FUT8: variants seen among roughly 807,000 people sequenced by gnomAD.
The protein encoded by FUT8 is alpha-(1,6)-fucosyltransferase.
A neutral mutation model predicts 71.3 loss-of-function variants in FUT8; 29 were observed. The observed-to-expected ratio is 0.41, with a 90% CI of 0.30 to 0.55. FUT8 has a LOEUF of 0.55. FUT8 is among the 20% of genes least tolerant of loss of function. The pLI, the probability that FUT8 is intolerant of heterozygous loss-of-function variation, is 0.34. For missense variants in FUT8, 544 were observed against 702.1 expected (o/e 0.77, Z 2.55); for synonymous variants, 254 against 239.3 (o/e 1.06, Z -0.57).
At chr14:65,688,366 C>T (rs1453365134) in intron 7 of FUT8, among the ~76,000 whole-genome samples, 1 of 151,502 alleles carries the variant, frequency 6.6e-6, no homozygotes, top group Non-Finnish European at 1.5e-5. Context: ...TTCTGACTGG[C>T]TTTTGTTTTT....
rs1198807098 is a variant in FUT8 at position 65,743,541 on chromosome 14, C to A, written c.*1131C>A. Reference sequence around the variant, plus strand: ...TTTGTGAGTAGGGTCCTGTTTTATCCAGGAACCAATTTCTGCCCTAGCCTA... The same window carrying A: ...TTTGTGAGTAGGGTCCTGTTTTATCAAGGAACCAATTTCTGCCCTAGCCTA... On this transcript the variant is annotated 3_prime_UTR_variant, in exon 11 of 11. Transcript: ENST00000673929. The A allele has an allele frequency of 6.6e-6, 1 of 151,732 alleles. No individual in the cohort carries two copies. The highest frequency in any genetic ancestry group is 2.4e-5 in the African/African-American group (1 of 41,314). 9.4% of individuals were successfully genotyped at this position (151,732 alleles called of 1,614,324 possible).
At position 65,574,350 on chromosome 14, in the gene FUT8, T is replaced by C. The variant is rs1186470830; in HGVS notation, c.203+12584T>C. ...AGCAAATCACAGGTCCCATTTACACTTGGGGAGGCGATTTTCCAAGGTCTT... is the reference window on the plus strand; with the variant it reads ...AGCAAATCACAGGTCCCATTTACACCTGGGGAGGCGATTTTCCAAGGTCTT... On this transcript the variant is annotated intron_variant, in intron 3 of 10. Coordinates refer to ENST00000673929, the MANE Select transcript of FUT8 (RefSeq NM_001371533.1). The surrounding 1 kb of genome is among the most constrained non-coding windows in gnomAD (Gnocchi z 5.2). Among the ~76,000 whole-genome samples, 1 of 152,098 alleles carries C rather than the reference T, an allele frequency of 6.6e-6. No individual in the cohort carries two copies. The highest frequency in any genetic ancestry group is 2.4e-5 in the African/African-American group (1 of 41,390).
intron 5 of FUT8, among the ~76,000 whole-genome samples, chr14:65,617,941 C>CT (rs1252660425): frequency 6.8e-6 from 1 of 146,516 alleles, no homozygotes; most frequent in Non-Finnish European, 1.5e-5. Context: ...AAGACTCTGT[C>CT]TCAAAAAAAA....
chr14:65,725,970 T>C lies in FUT8; in HGVS notation c.1259+1647T>C, dbSNP rs149617782. Among the ~76,000 whole-genome samples the C allele has an allele frequency of 2.0e-5, 3 of 152,300 alleles. No homozygotes were observed. In the East Asian group the frequency reaches 5.8e-4, roughly 29 times the overall value. On this transcript the variant is annotated intron_variant, in intron 9 of 10. Coordinates refer to ENST00000673929, the MANE Select transcript of FUT8 (RefSeq NM_001371533.1). ...TGCCTTTTTTATTCAAGGCTCCCTCTCTTGAGCATATGCACACACTACCAT... is the reference window on the plus strand; with the variant it reads ...TGCCTTTTTTATTCAAGGCTCCCTCCCTTGAGCATATGCACACACTACCAT...
At chr14:65,375,151 C>G in the FUT8 span, among the ~76,000 whole-genome samples, 1 of 152,120 alleles carries the variant, frequency 6.6e-6, no homozygotes, top group Non-Finnish European at 1.5e-5. Context: ...TTTAGTTCCT[C>G]AATACACCCT....
chr14:65,629,940 C>G (rs1890101894), intron 6 of FUT8, among the ~76,000 whole-genome samples: 1 of 151,894 alleles, frequency 6.6e-6, no homozygotes, highest in Non-Finnish European at 1.5e-5. Context: ...AAGGAGACAT[C>G]AGGGATAGTC....
intron 7 of FUT8, among the ~76,000 whole-genome samples, chr14:65,682,592 GA>G (rs1365987610): frequency 6.6e-6 from 1 of 152,092 alleles, no homozygotes; most frequent in African/African-American, 2.4e-5. Flanking sequence ...AACTGGTTTT[GA>G]AAAAGTTGTA....
intron 1 of FUT8, among the ~76,000 whole-genome samples, chr14:65,421,434 GC>G (rs907546121): frequency 1.8e-4 from 27 of 152,152 alleles, no homozygotes; most frequent in African/African-American, 6.0e-4. Flanking sequence ...TCATACTTCT[GC>G]CTTTTTTGCT....
chr14:65,512,512 G>A (rs1424963262), intron 2 of FUT8, among the ~76,000 whole-genome samples: 1 of 152,082 alleles, frequency 6.6e-6, no homozygotes, highest in African/African-American at 2.4e-5. Context: ...GTTCGTTGTT[G>A]ATTAAAACCA....
At chr14:65,729,868 G>A (rs1388904081) in intron 9 of FUT8, among the ~76,000 whole-genome samples, 1 of 152,058 alleles carries the variant, frequency 6.6e-6, no homozygotes, top group Non-Finnish European at 1.5e-5. Context: ...TCCATATTCT[G>A]TTATAAATAT....
At chr14:65,448,215 A>G (rs971962963) in intron 1 of FUT8, among the ~76,000 whole-genome samples, 2 of 152,132 alleles carry the variant, frequency 1.3e-5, no homozygotes, top group African/African-American at 2.4e-5. Flanking sequence ...AAAACGCCAG[A>G]TGATGTTTGT....
At chr14:65,542,165 C>T (rs996467534) in intron 2 of FUT8, among the ~76,000 whole-genome samples, 4 of 152,062 alleles carry the variant, frequency 2.6e-5, no homozygotes, top group Non-Finnish European at 5.9e-5. Flanking sequence ...TAAATGTAAT[C>T]GTTATTATTA....
chr14:65,543,194 G>A (rs1884783308), intron 2 of FUT8, among the ~76,000 whole-genome samples: 1 of 152,134 alleles, frequency 6.6e-6, no homozygotes, highest in Non-Finnish European at 1.5e-5. Context: ...TTATTTCTTC[G>A]AAATTACATT....
At position 65,445,174 on chromosome 14, in the gene FUT8, A is replaced by G. The variant is rs565701147; in HGVS notation, c.-325-10447A>G. 3.3e-5 allele frequency among the ~76,000 whole-genome samples: 5 copies of G among 152,268 alleles called. No individual in the cohort carries two copies. In the East Asian group the frequency reaches 7.7e-4, roughly 23 times the overall value. On this transcript the variant is annotated intron_variant, in intron 1 of 10. Transcript: ENST00000673929. The stretch of plus-strand genomic sequence containing the variant: ...TGAGCCGAGATCACGCCACTGCACT[A>G]CAGCCTGGGAGACAGAGCGAAACTC...
chr14:65,722,033 A>AT lies in FUT8; in HGVS notation c.1082+18dup, dbSNP rs749392023. ...CATCCAGTTATTGGGTAAGAATCTG[A>AT]TTTTTTCCCTCAAACTGTGATATGT... On this transcript the variant is annotated intron_variant, in intron 8 of 10. Coordinates refer to ENST00000673929, the MANE Select transcript of FUT8 (RefSeq NM_001371533.1). 1.6e-5 allele frequency: 26 copies of AT among 1,612,798 alleles called. No individual in the cohort carries two copies. Among genetic ancestry groups the AT allele is most frequent in the South Asian group, 2.2e-5 (2 of 91,016 alleles).
chr14:65,561,606 C>G lies in FUT8; in HGVS notation c.43C>G (p.Leu15Val), dbSNP rs1279976699. The change falls in exon 3 of 11, where the codon CTT (leucine) becomes GTT (valine). Residue 15 changes from leucine (L) to valine (V), a missense_variant. Coordinates refer to ENST00000673929, the MANE Select transcript of FUT8 (RefSeq NM_001371533.1). Reference sequence around the variant, plus strand: ...TTCCTGGCGTTGGATTATGCTCATTCTTTTTGCCTGGGGGACCTTGCTGTT... The same window carrying G: ...TTCCTGGCGTTGGATTATGCTCATTGTTTTTGCCTGGGGGACCTTGCTGTT... ...TGSWRWIMLI[L>V]FAWGTLLFYI... The G allele has an allele frequency of 6.2e-7, 1 of 1,613,540 alleles. No homozygotes were observed.
intron 7 of FUT8, among the ~76,000 whole-genome samples, chr14:65,715,577 T>C (rs1346042408): frequency 1.3e-5 from 2 of 152,236 alleles, no homozygotes; most frequent in Non-Finnish European, 2.9e-5. Context: ...TTCTACTTTT[T>C]TGATGTAGAC....
intron 2 of FUT8, among the ~76,000 whole-genome samples, chr14:65,521,393 A>G (rs1240984583): frequency 6.6e-6 from 1 of 152,218 alleles, no homozygotes; most frequent in Non-Finnish European, 1.5e-5. Flanking sequence ...CACAATATTT[A>G]TACTTTTCTT....
At chr14:65,599,242 G>C (rs1421434688) in intron 3 of FUT8, among the ~76,000 whole-genome samples, 1 of 152,014 alleles carries the variant, frequency 6.6e-6, no homozygotes, top group Non-Finnish European at 1.5e-5. Context: ...ATCAGTATCA[G>C]GCATATAAAT....
Sources: allele counts gnomAD v4.1 joint callset (sites outside exome capture counted in the v4.1 genomes callset), GRCh38; gene constraint gnomAD v4.1.1; non-coding constraint Gnocchi (gnomAD v3.1); transcripts MANE v1.5; gene names NCBI Gene and HGNC (gene_info 2026-07-23, HGNC 2026-07-21).